The following EML2 variants were observed in gnomAD, a reference collection of about 807,000 sequenced individuals.
The protein encoded by EML2 is echinoderm microtubule-associated protein-like 2.
In EML2, 59 loss-of-function variants were observed where a neutral mutation model predicts 84.7. The ratio of observed to expected loss-of-function variants is 0.70; its 90% CI spans 0.56 to 0.86. EML2 has a LOEUF of 0.86. Ranked by LOEUF, EML2 falls within the 40% of genes least tolerant of loss-of-function variation. The pLI is 0.00. For missense variants in EML2, 818 were observed against 855.6 expected, an observed-to-expected ratio of 0.96 and a Z score of 0.55; for synonymous variants, 352 against 348.9, an observed-to-expected ratio of 1.01 and a Z score of -0.10.
chr19:45,644,986 C>T (rs1322315178), upstream of EML2: 39 of 530,392 alleles, frequency 7.4e-5, no homozygotes, highest in East Asian at 1.3e-3. Context: ...CCAATCGACC[C>T]CCAGGCCGTT....
At chr19:45,639,568 G>T (rs1317497448), upstream of EML2, 8 of 447,838 alleles carry the variant, frequency 1.8e-5, no homozygotes, top group Non-Finnish European at 2.9e-5. Context: ...GGGGTGGGTG[G>T]GGGAGAGTGG....
chr19:45,619,959 G>T (rs1392303066), intron 11 of EML2, among the ~76,000 whole-genome samples: 1 of 152,116 alleles, frequency 6.6e-6, no homozygotes. Context: ...GCTGAGGCAG[G>T]AGGATCCCTT....
chr19:45,613,709 T>C, intron 17 of EML2, 38 bp from the exon 18 acceptor site: 1 of 1,600,324 alleles, frequency 6.2e-7, no homozygotes, highest in East Asian at 2.2e-5. Flanking sequence ...AGATGTCAGC[T>C]GGAGCCAGGG....
intron 6 of EML2, among the ~76,000 whole-genome samples, chr19:45,630,633 T>C (rs1268360988): frequency 6.6e-6 from 1 of 151,936 alleles, no homozygotes; most frequent in Non-Finnish European, 1.5e-5. Flanking sequence ...TTAGAAGCTG[T>C]GAAGACATCT....
rs2122568198 is a variant in EML2 at position 45,609,543 on chromosome 19, T to A, written c.*120A>T. The A allele has an allele frequency of 1.3e-3, 847 of 643,152 alleles. No homozygotes were observed. The highest frequency in any genetic ancestry group is 1.5e-3 in the Non-Finnish European group (691 of 448,962). The allele number at this position is 643,152 out of a possible 1,614,324, so 39.8% of individuals were successfully genotyped here. On this transcript the variant is annotated 3_prime_UTR_variant, in exon 19 of 19. Coordinates refer to ENST00000245925, the MANE Select transcript of EML2 (RefSeq NM_012155.4). ...GAGACTTCTGTATGTCAGTCTACCC[T>A]CCCGCCCCCATAACCCCCTCTGCTA...
chr19:45,626,544 C>T lies in EML2; in HGVS notation c.741+161G>A, dbSNP rs538196523. Among the ~76,000 whole-genome samples, 8 of 152,148 alleles carry T rather than the reference C, an allele frequency of 5.3e-5. No individual in the cohort carries two copies. The South Asian group carries it at 1.5e-3, about 28-fold the overall frequency. On this transcript the variant is annotated intron_variant, in intron 8 of 18. Coordinates refer to ENST00000245925, the MANE Select transcript of EML2 (RefSeq NM_012155.4). ...TAACTCCAGAGTTAAGGTGGATCAT[C>T]ACCATGGTATGGAGAAAGAAACTGA...
In EML2 at chr19:45,631,512, A is replaced by G. The variant is rs376160326; in HGVS notation, c.510+1349T>C. Among the ~76,000 whole-genome samples the G allele has an allele frequency of 1.2e-4, 19 of 152,050 alleles. No homozygotes were observed. The East Asian group carries it at 1.5e-3, about 12-fold the overall frequency. ...GAGCTCACTGCTACCTCCGCCTCCC[A>G]GGTTCAAGTGACTCTCCTGCCTCTG... On this transcript the variant is annotated intron_variant, in intron 6 of 18. Coordinates refer to ENST00000245925, the MANE Select transcript of EML2 (RefSeq NM_012155.4).
chr19:45,633,273 G>T (rs1973296570), intron 4 of EML2, 134 bp from the exon 5 acceptor site: 2 of 864,858 alleles, frequency 2.3e-6, no homozygotes, highest in Non-Finnish European at 3.7e-6. Flanking sequence ...TAATAGCAGT[G>T]AGCGGATGCC....
chr19:45,624,690 G>A (rs1568457078), intron 9 of EML2, 29 bp downstream of exon 9: 2 of 1,562,614 alleles, frequency 1.3e-6, no homozygotes, highest in Non-Finnish European at 1.8e-6. Context: ...AGACTGGATT[G>A]GGAACCAAAC....
At chr19:45,644,788 G>C (rs1347827550), upstream of EML2, 1 of 456,226 alleles carries the variant, frequency 2.2e-6, no homozygotes, top group African/African-American at 2.0e-5. Flanking sequence ...ATGCATGGGA[G>C]GGCCAGGGCC....
chr19:45,616,233 G>T (rs552503789), intron 15 of EML2: 273 of 566,410 alleles, frequency 4.8e-4, no homozygotes, highest in African/African-American at 3.8e-3. Flanking sequence ...CGGAACGTGA[G>T]GGGCGGGGCT....
chr19:45,636,698 G>A (rs573411039), intron 3 of EML2, among the ~76,000 whole-genome samples: 2 of 152,356 alleles, frequency 1.3e-5, no homozygotes, highest in East Asian at 3.9e-4. Flanking sequence ...TGTAATCTCA[G>A]CACTTTGGGA....
chr19:45,621,781 G>A (rs1971749047), intron 9 of EML2, 144 bp from the exon 10 acceptor site: 1 of 977,162 alleles, frequency 1.0e-6, no homozygotes, highest in Non-Finnish European at 1.5e-6. Flanking sequence ...GAGTCTCTCT[G>A]TTGCCCAGGC....
At chr19:45,612,651 C>T (rs748346117) in intron 18 of EML2, among the ~76,000 whole-genome samples, 13 of 151,544 alleles carry the variant, frequency 8.6e-5, no homozygotes, top group Non-Finnish European at 1.3e-4. Flanking sequence ...TGCACTCCAG[C>T]GTGGGCAACA....
At position 45,615,807 on chromosome 19, in the gene EML2, A is replaced by G. The variant is rs1393053734; in HGVS notation, c.1592T>C (p.Leu531Pro). Reference sequence around the variant, plus strand: ...CTGGGTCCCGGAGAACTCACAGTACAGAATCTCATAGTCCCCGGAGTTGGT... The same window carrying G: ...CTGGGTCCCGGAGAACTCACAGTACGGAATCTCATAGTCCCCGGAGTTGGT... ...FVTNSGDYEILYWDPATCKQI... is the reference protein window; with the variant it reads ...FVTNSGDYEIPYWDPATCKQI... The change falls in exon 16 of 19, where the codon CTG becomes CCG. Residue 531 changes from leucine (L) to proline (P), a missense_variant. By Grantham distance (98) the Leu-to-Pro change is moderately conservative (BLOSUM62 -3). Transcript: ENST00000245925. 2 of 1,613,602 alleles carry G rather than the reference A, an allele frequency of 1.2e-6. No individual in the cohort carries two copies. Among genetic ancestry groups the G allele is most frequent in the South Asian group, 1.1e-5 (1 of 91,072 alleles).
intron 11 of EML2, 194 bp from the exon 12 acceptor site, chr19:45,619,385 A>C: frequency 3.6e-6 from 2 of 552,370 alleles, no homozygotes; most frequent in South Asian, 6.3e-5. Context: ...GTGTGACTCA[A>C]GGCAAATCCT....
rs369491852 is a variant in EML2, at chr19:45,617,666, C to T, written c.1286G>A (p.Ser429Asn). The T allele has an allele frequency of 6.8e-6, 11 of 1,613,850 alleles. No individual in the cohort carries two copies. The African/African-American group carries it at 1.2e-4, about 18-fold the overall frequency. Residue 429 changes from serine to asparagine, a missense_variant, in exon 13 of 19, where the codon AGT becomes AAT. Physicochemically the swap from Ser to Asn is conservative, Grantham distance 46 (BLOSUM62 1). Transcript: ENST00000245925. Reference sequence around the variant, plus strand: ...TGTACCCACAGCCAGGACAGAGCCACTGGGGTGGAAGCCGGCTGAGCGGGC... The same window carrying T: ...TGTACCCACAGCCAGGACAGAGCCATTGGGGTGGAAGCCGGCTGAGCGGGC... ...DPARSAGFHPSGSVLAVGTVT... is the reference protein window; with the variant it reads ...DPARSAGFHPNGSVLAVGTVT...
chr19:45,620,602 G>A (rs563366812), intron 11 of EML2, among the ~76,000 whole-genome samples: 12 of 151,764 alleles, frequency 7.9e-5, no homozygotes, highest in African/African-American at 1.7e-4. Context: ...CCAGCTACTC[G>A]GGAGGCTGAG....
At chr19:45,615,926 A>C (rs760422699) in intron 15 of EML2, 37 bp from the exon 16 acceptor site, 6 of 1,522,636 alleles carry the variant, frequency 3.9e-6, no homozygotes, top group Non-Finnish European at 5.5e-6. Flanking sequence ...AGAGCTGCAG[A>C]GGGCGGAACC....
Sources: allele counts gnomAD v4.1 joint callset (sites outside exome capture counted in the v4.1 genomes callset), GRCh38; gene constraint gnomAD v4.1.1; transcripts MANE v1.5; gene names NCBI Gene and HGNC (gene_info 2026-07-23, HGNC 2026-07-21).